MEGF6: variants seen among roughly 807,000 people sequenced by gnomAD.
MEGF6 encodes the protein multiple EGF like domains 6.
In MEGF6, 184 loss-of-function variants were observed where a neutral mutation model predicts 207.1. The observed-to-expected ratio is 0.89, with a 90% CI of 0.79 to 1.00. The LOEUF is 1.00. Ranked by LOEUF, MEGF6 falls within the 50% of genes least tolerant of loss-of-function variation. The pLI, the probability that MEGF6 is intolerant of heterozygous loss-of-function variation, is 0.00. For missense variants in MEGF6, 2,282 were observed against 2,202.9 expected, an observed-to-expected ratio of 1.04 and a Z score of -0.72; for synonymous variants, 1,038 against 910.0, an observed-to-expected ratio of 1.14 and a Z score of -2.53.
chr1:3,587,531 C>T (rs901793408), intron 3 of MEGF6, among the ~76,000 whole-genome samples: 54 of 152,388 alleles, frequency 3.5e-4, no homozygotes, highest in African/African-American at 1.3e-3. Context: ...TGTTGACGGG[C>T]GTGTGGAGCG....
intron 4 of MEGF6, among the ~76,000 whole-genome samples, chr1:3,566,279 C>T (rs1259412980): frequency 6.6e-6 from 1 of 152,234 alleles, no homozygotes; most frequent in African/African-American, 2.4e-5. Context: ...AAGCACGCAG[C>T]CCCTCGCTTG....
chr1:3,574,281 T>C (rs1643583884), intron 4 of MEGF6, among the ~76,000 whole-genome samples: 1 of 151,770 alleles, frequency 6.6e-6, no homozygotes, highest in Admixed American at 6.6e-5. Context: ...TTCTAGAAGC[T>C]TGGCTGACCC....
the MEGF6 span, among the ~76,000 whole-genome samples, chr1:3,619,160 A>T: frequency 6.6e-6 from 1 of 152,236 alleles, no homozygotes; most frequent in Admixed American, 6.5e-5. Context: ...GCGCCCTCTA[A>T]TTGGAAGACC....
chr1:3,504,358 A>G (rs1158780535), intron 17 of MEGF6, among the ~76,000 whole-genome samples: 1 of 152,096 alleles, frequency 6.6e-6, no homozygotes, highest in Non-Finnish European at 1.5e-5. Context: ...CCTTCCCCTC[A>G]TAAGCCGATG....
chr1:3,493,244 G>C (rs1640449497), intron 34 of MEGF6: 1 of 214,536 alleles, frequency 4.7e-6, no homozygotes, highest in Non-Finnish European at 9.4e-6. Flanking sequence ...CTATCCTCAG[G>C]TGAGCCCCTC....
chr1:3,523,580 C>T (rs534732473), intron 5 of MEGF6, among the ~76,000 whole-genome samples: 62 of 152,318 alleles, frequency 4.1e-4, no homozygotes, highest in Admixed American at 6.5e-4. Flanking sequence ...ACCCTCCAGG[C>T]TCCCCAAGCT....
intron 17 of MEGF6, among the ~76,000 whole-genome samples, chr1:3,503,664 T>C (rs909491750): frequency 6.6e-6 from 1 of 151,704 alleles, no homozygotes; most frequent in Non-Finnish European, 1.5e-5. Context: ...CTGCCTGCAT[T>C]CATGTGTATG....
chr1:3,494,281 C>T, intron 32 of MEGF6, 90 bp downstream of exon 32: 3 of 1,475,358 alleles, frequency 2.0e-6, no homozygotes, highest in Non-Finnish European at 2.7e-6. Context: ...CACCTCCCCA[C>T]CACTTCACTG....
rs376749836 is a variant in MEGF6 at position 3,501,914 on chromosome 1, C to A, written c.2196G>T (p.Pro732=). 2 of 1,606,632 alleles carry A rather than the reference C, an allele frequency of 1.2e-6. No homozygotes were observed. Among genetic ancestry groups the A allele is most frequent in the Non-Finnish European group, 1.7e-6 (2 of 1,177,486 alleles). The change falls in exon 18 of 37, where the codon CCG becomes CCT. Residue 732 remains proline (P), a synonymous_variant. Transcript: ENST00000356575. ...AGCAGTTCACGCCAAACGTCCCCAC[C>A]GGGCACTCTGCAGGAGAAAGCACGA... The part of the protein sequence containing the change: ...FQGEDCGQEC[P]VGTFGVNCSS...
Position 3,611,399 on chromosome 1 carries a change from G to A in MEGF6, c.-131C>T. 2 of 1,239,228 alleles carry A rather than the reference G, an allele frequency of 1.6e-6. No individual in the cohort carries two copies. Among genetic ancestry groups the A allele is most frequent in the Non-Finnish European group, 2.1e-6 (2 of 965,208 alleles). The allele number at this position is 1,239,228 out of a possible 1,614,324, so 76.8% of individuals were successfully genotyped here. A position where few individuals can be genotyped will look rare whatever the true frequency, so the allele number is the denominator to read the frequency against. ...CGCCCGCTCCGCGGAGCCCAAGGTC[G>A]CTGCAGGTGCGGAGCGTCCCGGCTT... On this transcript the variant is annotated 5_prime_UTR_variant, in exon 1 of 37. Transcript: ENST00000356575.
intron 4 of MEGF6, among the ~76,000 whole-genome samples, chr1:3,563,690 C>T (rs918205402): frequency 2.6e-5 from 4 of 152,212 alleles, no homozygotes; most frequent in Non-Finnish European, 4.4e-5. Context: ...CCCCTGACAC[C>T]CCTAAGAAAG....
intron 4 of MEGF6, among the ~76,000 whole-genome samples, chr1:3,552,002 C>A (rs557742949): frequency 1.3e-5 from 2 of 152,186 alleles, no homozygotes; most frequent in Admixed American, 1.3e-4. Context: ...TTGAACCACA[C>A]TTGTCCCCAA....
chr1:3,515,100 G>T (rs1641495308), intron 6 of MEGF6, among the ~76,000 whole-genome samples: 1 of 152,186 alleles, frequency 6.6e-6, no homozygotes, highest in African/African-American at 2.4e-5. Context: ...CACTGAGTCT[G>T]CCGCACCGTC....
chr1:3,585,193 C>G (rs567558387), intron 3 of MEGF6, among the ~76,000 whole-genome samples: 3 of 137,662 alleles, frequency 2.2e-5, no homozygotes, highest in South Asian at 5.4e-4. Flanking sequence ...GTGAGTGACA[C>G]ATGTCCTATG....
chr1:3,618,813 C>A, the MEGF6 span, among the ~76,000 whole-genome samples: 1 of 152,156 alleles, frequency 6.6e-6, no homozygotes, highest in East Asian at 1.9e-4. This position sits in a 1 kb window ranked among gnomAD's most constrained non-coding sequence, Gnocchi z 4.7. Context: ...TTCCTCAGCC[C>A]AAAGTGCATC....
In MEGF6 at chr1:3,556,469, G is replaced by A. The variant is rs1184357716; in HGVS notation, c.481+23356C>T. ...AGCCAGCAGGGGTAGGAGAAACCTC[G>A]GCAAAGCAAGAGACGCCCTGGGCCT... is the stretch of plus-strand genomic sequence containing the variant. On this transcript the variant is annotated intron_variant, in intron 4 of 36. Transcript: ENST00000356575. This position sits in a 1 kb window ranked among gnomAD's most constrained non-coding sequence, Gnocchi z 4.4. Among the ~76,000 whole-genome samples, 2 of 152,134 alleles carry A rather than the reference G, an allele frequency of 1.3e-5. No individual in the cohort carries two copies. Among genetic ancestry groups the A allele is most frequent in the African/African-American group, 2.4e-5 (1 of 41,420 alleles).
chr1:3,579,413 G>A (rs1291449784), intron 4 of MEGF6, among the ~76,000 whole-genome samples: 10 of 152,258 alleles, frequency 6.6e-5, no homozygotes, highest in Middle Eastern at 3.4e-3. Context: ...TCAACCAGTC[G>A]CCTTGGCTAA....
chr1:3,506,355 C>G, intron 14 of MEGF6, 119 bp from the exon 15 acceptor site: 1 of 1,274,190 alleles, frequency 7.8e-7, no homozygotes, highest in Non-Finnish European at 1.1e-6. Context: ...GAGCAGCCCC[C>G]GCCAGGGCAC....
At chr1:3,514,358 C>T (rs1157660954) in intron 7 of MEGF6, among the ~76,000 whole-genome samples, 192 bp downstream of exon 7, 3 of 152,220 alleles carry the variant, frequency 2.0e-5, no homozygotes, top group African/African-American at 4.8e-5. Context: ...TTTTGCGAGC[C>T]TTCCTACCCT....
Sources: allele counts gnomAD v4.1 joint callset (sites outside exome capture counted in the v4.1 genomes callset), GRCh38; gene constraint gnomAD v4.1.1; non-coding constraint Gnocchi (gnomAD v3.1); transcripts MANE v1.5; gene names NCBI Gene and HGNC (gene_info 2026-07-23, HGNC 2026-07-21).